The following ADGRL3 variants were observed in gnomAD, a reference collection of about 807,000 sequenced individuals.
The protein encoded by ADGRL3 is calcium-independent alpha-latrotoxin receptor 3.
In ADGRL3, 62 loss-of-function variants were observed where a neutral mutation model predicts 153.5. That is an observed-to-expected ratio of 0.40 (90% confidence interval 0.33 to 0.50). The LOEUF is 0.50. ADGRL3 is among the 20% of genes least tolerant of loss of function. The pLI, the probability that ADGRL3 is intolerant of heterozygous loss-of-function variation, is 0.47. For synonymous variants in ADGRL3, 710 were observed against 672.5 expected (o/e 1.06, Z -0.86); for missense variants, 1,641 against 1,859.4 (o/e 0.88, Z 2.16).
chr4:62,051,228 A>G (rs931622095), intron 25 of ADGRL3, among the ~76,000 whole-genome samples: 3 of 150,140 alleles, frequency 2.0e-5, no homozygotes, highest in African/African-American at 7.3e-5. Context: ...CATGTTATTG[A>G]TAGAAACAAT....
intron 25 of ADGRL3, 55 bp downstream of exon 25, chr4:62,044,604 C>T: frequency 8.4e-7 from 1 of 1,195,908 alleles, no homozygotes; most frequent in Non-Finnish European, 1.2e-6. Flanking sequence ...TTAAGAAGTC[C>T]TTAAATTCAT....
In ADGRL3 at chr4:61,982,043, A is replaced by G. The variant is rs551435639; in HGVS notation, c.3016-1340A>G. ...AACAAAAATTAATAGTTGACGTTCT[A>G]ACTCTAAAAAGCAAGAAATGGAAAA... On this transcript the variant is annotated intron_variant, in intron 18 of 26. Transcript: ENST00000683033. 9.2e-5 allele frequency among the ~76,000 whole-genome samples: 14 copies of G among 152,340 alleles called. No individual in the cohort carries two copies. In the East Asian group the frequency reaches 2.7e-3, roughly 29 times the overall value.
chr4:61,467,058 C>T (rs1323089061), intron 2 of ADGRL3, among the ~76,000 whole-genome samples: 1 of 152,020 alleles, frequency 6.6e-6, no homozygotes, highest in Non-Finnish European at 1.5e-5. Flanking sequence ...ACTTGTGACA[C>T]CAAGCTCTGA....
intron 2 of ADGRL3, among the ~76,000 whole-genome samples, chr4:61,453,888 TATTATCTG>T (rs1426755365): frequency 1.3e-5 from 2 of 152,094 alleles, no homozygotes; most frequent in Non-Finnish European, 2.9e-5. Flanking sequence ...CTAGGAACAA[TATTATCTG>T]AGAGTTGCCT....
Position 61,793,999 on chromosome 4 carries a change from A to T in ADGRL3, c.1400-19810A>T, listed in dbSNP as rs1157240201. 2.6e-5 allele frequency among the ~76,000 whole-genome samples: 4 copies of T among 152,134 alleles called. No homozygotes were observed. The South Asian group carries it at 8.3e-4, about 31-fold the overall frequency. On this transcript the variant is annotated intron_variant, in intron 8 of 26. Coordinates refer to ENST00000683033, the MANE Select transcript of ADGRL3 (RefSeq NM_001387552.1). The stretch of plus-strand genomic sequence containing the variant: ...AAAAAATAGAATAAATCTCTAATAC[A>T]TAATGACCAGTACATTGAATCATTG...
chr4:61,846,401 A>G (rs1448955462), intron 9 of ADGRL3, among the ~76,000 whole-genome samples: 2 of 152,122 alleles, frequency 1.3e-5, no homozygotes, highest in Non-Finnish European at 2.9e-5. Flanking sequence ...TGAATAAAAT[A>G]AAAAAATTTT....
chr4:61,674,554 G>A (rs989890665), intron 5 of ADGRL3, among the ~76,000 whole-genome samples: 1 of 151,658 alleles, frequency 6.6e-6, no homozygotes, highest in African/African-American at 2.4e-5. Flanking sequence ...TCACACATCA[G>A]AATTAATATT....
chr4:61,424,214 C>T (rs771169262), intron 2 of ADGRL3, among the ~76,000 whole-genome samples: 2 of 152,104 alleles, frequency 1.3e-5, no homozygotes, highest in African/African-American at 2.4e-5. Context: ...CGACTCATAA[C>T]ATGGTAGCAT....
In ADGRL3 at chr4:61,878,525, G is replaced by A. The variant is rs545680632; in HGVS notation, c.1481-14131G>A. Among the ~76,000 whole-genome samples, 119 of 152,232 alleles carry A rather than the reference G, an allele frequency of 7.8e-4. 2 individuals carry two copies. The South Asian group carries it at 0.024, about 31-fold the overall frequency. On this transcript the variant is annotated intron_variant, in intron 9 of 26. Transcript: ENST00000683033. ...TTTGAAATAACATTTTTTTGAACAA[G>A]CTATTGTAGTAGAACAGACATATTA...
At chr4:61,257,291 G>A (rs1401159732) in intron 1 of ADGRL3, among the ~76,000 whole-genome samples, 1 of 152,088 alleles carries the variant, frequency 6.6e-6, no homozygotes, top group Non-Finnish European at 1.5e-5. Flanking sequence ...AACTGATCTT[G>A]TTTCAATTTT....
chr4:62,000,359 T>G (rs2099135839), intron 21 of ADGRL3, among the ~76,000 whole-genome samples: 1 of 152,022 alleles, frequency 6.6e-6, no homozygotes, highest in Non-Finnish European at 1.5e-5. Flanking sequence ...TGTCACATAG[T>G]TTAAAATATC....
intron 9 of ADGRL3, among the ~76,000 whole-genome samples, chr4:61,854,314 G>A (rs918768526): frequency 3.9e-5 from 6 of 152,150 alleles, no homozygotes; most frequent in African/African-American, 1.4e-4. Flanking sequence ...TTGGAGGAAG[G>A]GCTGATTCTA....
At chr4:61,420,587 T>G (rs1560602964) in intron 2 of ADGRL3, 1 of 151,690 alleles carries the variant, frequency 6.6e-6, no homozygotes, top group Non-Finnish European at 1.5e-5. Context: ...TTTGTATTTT[T>G]AGTAGAGACG....
intron 1 of ADGRL3, among the ~76,000 whole-genome samples, chr4:61,335,431 C>T (rs1271315230): frequency 6.6e-6 from 1 of 152,158 alleles, no homozygotes; most frequent in Non-Finnish European, 1.5e-5. Flanking sequence ...CATTTGCTAG[C>T]ACAATTATAA....
At chr4:61,356,432 AC>A (rs1045039564) in intron 1 of ADGRL3, among the ~76,000 whole-genome samples, 117 of 152,224 alleles carry the variant, frequency 7.7e-4, no homozygotes, top group African/African-American at 2.8e-3. Flanking sequence ...TAAGAAAAAA[AC>A]AAAATTATTT....
chr4:61,207,164 A>G (rs913203965), intron 1 of ADGRL3, among the ~76,000 whole-genome samples: 1 of 151,960 alleles, frequency 6.6e-6, no homozygotes, highest in African/African-American at 2.4e-5. Context: ...CCCATCATCT[A>G]CATTAGGTAT....
At chr4:61,728,397 G>GATTAAA (rs2096384552) in intron 6 of ADGRL3, among the ~76,000 whole-genome samples, 1 of 151,956 alleles carries the variant, frequency 6.6e-6, no homozygotes, top group African/African-American at 2.4e-5. Context: ...AGTTAATAGA[G>GATTAAA]GTTAAAGCTC....
At chr4:61,414,885 A>G (rs924578643) in intron 2 of ADGRL3, among the ~76,000 whole-genome samples, 2 of 151,994 alleles carry the variant, frequency 1.3e-5, no homozygotes, top group Admixed American at 6.6e-5. Context: ...TATTTACATT[A>G]TCTCAGCTTA....
chr4:61,519,688 A>G (rs2098518180), intron 4 of ADGRL3, among the ~76,000 whole-genome samples: 1 of 152,210 alleles, frequency 6.6e-6, no homozygotes, highest in South Asian at 2.1e-4. Context: ...AATTGAAGTA[A>G]GAGATATCAC....
Sources: allele counts gnomAD v4.1 joint callset (sites outside exome capture counted in the v4.1 genomes callset), GRCh38; gene constraint gnomAD v4.1.1; transcripts MANE v1.5; gene names NCBI Gene and HGNC (gene_info 2026-07-23, HGNC 2026-07-21).